The following UNC13B variants were observed in gnomAD, a reference collection of about 807,000 sequenced individuals.
UNC13B encodes unc-13 homolog B, also known as protein unc-13 homolog B.
A neutral mutation model predicts 211.0 loss-of-function variants in UNC13B; 144 were observed. That is an observed-to-expected ratio of 0.68 (90% CI 0.60 to 0.78). The LOEUF (loss-of-function observed/expected upper bound fraction) is 0.78. UNC13B is among the 30% of genes least tolerant of loss of function. The probability of loss-of-function intolerance (pLI) is 0.00; values close to 1 mark genes in which losing one functional copy is unlikely to be tolerated. For missense variants in UNC13B, 1,777 were observed against 2,002.0 expected (o/e 0.89, Z 2.14); for synonymous variants, 709 against 725.8 (o/e 0.98, Z 0.37).
chr9:35,347,846 G>C (rs1476289869), intron 11 of UNC13B, among the ~76,000 whole-genome samples: 1 of 152,172 alleles, frequency 6.6e-6, no homozygotes, highest in Admixed American at 6.5e-5. Context: ...GAACCCAGTG[G>C]CTATGCCATT....
chr9:35,231,620 T>C (rs1315220559), intron 3 of UNC13B, among the ~76,000 whole-genome samples: 5 of 152,210 alleles, frequency 3.3e-5, no homozygotes, highest in African/African-American at 1.2e-4. Context: ...AATGTGGCCA[T>C]GCATGTGAGA....
intron 21 of UNC13B, among the ~76,000 whole-genome samples, chr9:35,384,011 T>A (rs1014918660): frequency 1.3e-5 from 2 of 152,216 alleles, no homozygotes; most frequent in African/African-American, 4.8e-5. Flanking sequence ...TTTTTCCTTG[T>A]CAGTGTGAGA....
intron 11 of UNC13B, among the ~76,000 whole-genome samples, chr9:35,320,774 G>A (rs1043805589): frequency 1.3e-5 from 2 of 151,994 alleles, no homozygotes; most frequent in African/African-American, 2.4e-5. Context: ...TGTACTTCTT[G>A]TAAGATCCTT....
At chr9:35,163,011 C>T (rs187510427) in intron 1 of UNC13B, among the ~76,000 whole-genome samples, 100 of 152,284 alleles carry the variant, frequency 6.6e-4, no homozygotes, top group African/African-American at 2.2e-3. Context: ...AGGCATGGTA[C>T]GCGAACTAAG....
At chr9:35,274,234 T>C (rs1828047734) in intron 7 of UNC13B, among the ~76,000 whole-genome samples, 2 of 152,092 alleles carry the variant, frequency 1.3e-5, no homozygotes, top group South Asian at 4.1e-4. Flanking sequence ...AGTACTAGCA[T>C]TCTTTTCTTT....
intron 1 of UNC13B, among the ~76,000 whole-genome samples, chr9:35,177,541 A>G (rs1208064430): frequency 6.6e-6 from 1 of 152,080 alleles, no homozygotes; most frequent in African/African-American, 2.4e-5. Context: ...TGAGAATTAC[A>G]CTCTTAAGAT....
chr9:35,215,478 A>G (rs1005814858), intron 1 of UNC13B, among the ~76,000 whole-genome samples: 6 of 152,244 alleles, frequency 3.9e-5, no homozygotes, highest in African/African-American at 1.4e-4. Flanking sequence ...TTACAGTTTT[A>G]CAAACAAGAT....
chr9:35,313,959 A>G lies in UNC13B; in HGVS notation c.9384A>G (p.Ala3128=). 6.2e-7 allele frequency: 1 copy of G among 1,613,922 alleles called. No individual in the cohort carries two copies. The highest frequency in any genetic ancestry group is 1.7e-4 in the Middle Eastern group (1 of 6,056). The change falls in exon 11 of 40, where the codon GCA becomes GCG. Residue 3128 remains alanine (A), a synonymous_variant. Transcript: ENST00000635942. The part of the protein sequence containing the change: ...FTQARAHWIR[A]VTKVRLQLQE... Reference sequence around the variant, plus strand: ...AAGCCAGAGCACATTGGATCCGAGCAGTTACCAAGGTTCGACTCCAGCTGC... The same window carrying G: ...AAGCCAGAGCACATTGGATCCGAGCGGTTACCAAGGTTCGACTCCAGCTGC...
chr9:35,293,895 C>T (rs1014181207), intron 7 of UNC13B, among the ~76,000 whole-genome samples: 5 of 152,106 alleles, frequency 3.3e-5, no homozygotes, highest in Non-Finnish European at 5.9e-5. Flanking sequence ...TTTTTCCTCC[C>T]GGAGTTCTAA....
intron 7 of UNC13B, among the ~76,000 whole-genome samples, chr9:35,259,879 T>A (rs1827162412): frequency 6.6e-6 from 1 of 150,578 alleles, no homozygotes. Flanking sequence ...AAGTTGAAGA[T>A]GATGGTAATG....
intron 26 of UNC13B, among the ~76,000 whole-genome samples, chr9:35,395,743 A>C (rs914342432): frequency 1.3e-5 from 2 of 152,224 alleles, no homozygotes; most frequent in Non-Finnish European, 2.9e-5. Context: ...ATTTTCCAGA[A>C]GGCTCTGGAG....
At chr9:35,255,982 G>T (rs999064747) in intron 6 of UNC13B, among the ~76,000 whole-genome samples, 1 of 152,132 alleles carries the variant, frequency 6.6e-6, no homozygotes, top group African/African-American at 2.4e-5. Context: ...AATGAACAAG[G>T]ACAGCTTAAT....
chr9:35,174,660 G>T (rs1821521710), intron 1 of UNC13B, among the ~76,000 whole-genome samples: 1 of 151,700 alleles, frequency 6.6e-6, no homozygotes, highest in Admixed American at 6.6e-5. Context: ...CCATTCTTCT[G>T]CCTCAGCCTC....
At chr9:35,288,774 T>C (rs1179205734) in intron 7 of UNC13B, among the ~76,000 whole-genome samples, 1 of 152,210 alleles carries the variant, frequency 6.6e-6, no homozygotes, top group Non-Finnish European at 1.5e-5. Flanking sequence ...AGAACTTTTA[T>C]GTATAAGAAA....
chr9:35,385,219 G>T (rs999389141), intron 22 of UNC13B: 1 of 985,444 alleles, frequency 1.0e-6, no homozygotes. Flanking sequence ...TCCAAAAGCA[G>T]TTCTGCTCAG....
intron 1 of UNC13B, among the ~76,000 whole-genome samples, chr9:35,176,462 C>T (rs1197855570): frequency 2.6e-5 from 4 of 151,752 alleles, no homozygotes; most frequent in East Asian, 1.9e-4. Flanking sequence ...GCATGAGAAT[C>T]GCTTGAACCC....
intron 11 of UNC13B, chr9:35,353,803 A>G: frequency 8.1e-7 from 1 of 1,231,674 alleles, no homozygotes; most frequent in Non-Finnish European, 1.0e-6. Flanking sequence ...TAGAAGACAT[A>G]CACTCAGGTA....
chr9:35,309,692 G>C (rs1830092192), intron 9 of UNC13B, among the ~76,000 whole-genome samples: 1 of 152,188 alleles, frequency 6.6e-6, no homozygotes, highest in African/African-American at 2.4e-5. Flanking sequence ...CAGATATAGA[G>C]ATGCATGAAT....
chr9:35,204,720 C>T (rs1225303396), intron 1 of UNC13B, among the ~76,000 whole-genome samples: 2 of 152,146 alleles, frequency 1.3e-5, no homozygotes, highest in Non-Finnish European at 2.9e-5. Context: ...GCCTGTACCC[C>T]CATTATATCT....
Sources: allele counts gnomAD v4.1 joint callset (sites outside exome capture counted in the v4.1 genomes callset), GRCh38; gene constraint gnomAD v4.1.1; transcripts MANE v1.5; gene names NCBI Gene and HGNC (gene_info 2026-07-23, HGNC 2026-07-21).